The following NNMT variants were observed in gnomAD, a reference collection of about 807,000 sequenced individuals.
NNMT encodes nicotinamide N-methyltransferase.
In NNMT, 10 loss-of-function variants were observed where a neutral mutation model predicts 11.7. The observed-to-expected ratio is 0.85, with a 90% CI of 0.53 to 1.45. NNMT has a LOEUF of 1.45. Ranked by LOEUF, NNMT falls within the 40% of genes most tolerant of loss-of-function variation. The pLI, the probability that NNMT is intolerant of heterozygous loss-of-function variation, is 0.00. For synonymous variants in NNMT, 143 were observed against 133.8 expected, an observed-to-expected ratio of 1.07 and a Z score of -0.48; for missense variants, 381 against 319.4, an observed-to-expected ratio of 1.19 and a Z score of -1.47.
chr11:114,266,202 G>C (rs912296790), intron 2 of NNMT, among the ~76,000 whole-genome samples: 1 of 152,056 alleles, frequency 6.6e-6, no homozygotes, highest in African/African-American at 2.4e-5. Flanking sequence ...CAATCAACAC[G>C]TACTAATATT....
intron 2 of NNMT, among the ~76,000 whole-genome samples, chr11:114,302,513 A>G (rs1374203785): frequency 2.0e-5 from 3 of 152,158 alleles, no homozygotes; most frequent in African/African-American, 7.2e-5. Context: ...ATAACACTAT[A>G]ATACATATAT....
intron 2 of NNMT, among the ~76,000 whole-genome samples, chr11:114,310,476 T>C (rs1945539470): frequency 6.6e-6 from 1 of 152,278 alleles, no homozygotes; most frequent in Non-Finnish European, 1.5e-5. Context: ...TTTAAGTGAA[T>C]ATTTAAGATG....
At chr11:114,271,756 G>A (rs569257887) in intron 2 of NNMT, among the ~76,000 whole-genome samples, 1 of 152,282 alleles carries the variant, frequency 6.6e-6, no homozygotes, top group Admixed American at 6.5e-5. Flanking sequence ...AAACACTAAA[G>A]ACTAAAACCC....
At chr11:114,292,721 A>G (rs11214934), upstream of NNMT, among the ~76,000 whole-genome samples, 94,605 of 152,022 alleles carry the variant, frequency 0.62, 31,313 homozygotes, top group Non-Finnish European at 0.74. Flanking sequence ...ACAAGGAAAC[A>G]GATTCCTATC....
chr11:114,312,187 G>T lies in NNMT; in HGVS notation c.505G>T (p.Ala169Ser). 1 of 1,614,156 alleles carries T rather than the reference G, an allele frequency of 6.2e-7. No homozygotes were observed. Among genetic ancestry groups the T allele is most frequent in the Non-Finnish European group, 8.5e-7 (1 of 1,180,012 alleles). Reference sequence around the variant, plus strand: ...GCTCAGCACACTGTGTCTGGATGCCGCCTGCCCAGACCTCCCCACCTACTG... The same window carrying T: ...GCTCAGCACACTGTGTCTGGATGCCTCCTGCCCAGACCTCCCCACCTACTG... ...CVLSTLCLDA[A>S]CPDLPTYCRA... The change falls in exon 3 of 3, where the codon GCC (alanine) becomes TCC (serine). Residue 169 changes from alanine (A) to serine (S), a missense_variant. Physicochemically the swap from Ala to Ser is moderately conservative, Grantham distance 99. Coordinates refer to ENST00000299964, the MANE Select transcript of NNMT (RefSeq NM_006169.3).
At chr11:114,294,209 G>A (rs1012774189), upstream of NNMT, among the ~76,000 whole-genome samples, 8 of 152,084 alleles carry the variant, frequency 5.3e-5, no homozygotes, top group Admixed American at 1.3e-4. Context: ...GAGGCCAGGC[G>A]CAGTGGCTCA....
At chr11:114,284,747 C>T (rs1207818284) in intron 2 of NNMT, among the ~76,000 whole-genome samples, 20 of 149,464 alleles carry the variant, frequency 1.3e-4, no homozygotes, top group South Asian at 6.3e-4. Flanking sequence ...CAGGCGTGAG[C>T]CACTGCACCC....
At chr11:114,303,789 G>C (rs1945463268) in intron 2 of NNMT, among the ~76,000 whole-genome samples, 1 of 152,088 alleles carries the variant, frequency 6.6e-6, no homozygotes. Flanking sequence ...AGATCTCACT[G>C]TAGCCTTGAC....
chr11:114,312,174 G>C lies in NNMT; in HGVS notation c.492G>C (p.Leu164=), dbSNP rs756437692. 1.9e-6 allele frequency: 3 copies of C among 1,614,238 alleles called. No homozygotes were observed. The highest frequency in any genetic ancestry group is 2.5e-6 in the Non-Finnish European group (3 of 1,180,036). Residue 164 remains leucine (L), a synonymous_variant, in exon 3 of 3, where the codon CTG becomes CTC. Coordinates refer to ENST00000299964, the MANE Select transcript of NNMT (RefSeq NM_006169.3). ...LPPADCVLST[L]CLDAACPDLP... ...CGGCTGACTGCGTGCTCAGCACACT[G>C]TGTCTGGATGCCGCCTGCCCAGACC... is the stretch of plus-strand genomic sequence containing the variant.
intron 2 of NNMT, among the ~76,000 whole-genome samples, chr11:114,278,983 C>T (rs1174871113): frequency 2.6e-5 from 4 of 152,142 alleles, no homozygotes. Context: ...CTGGTGCTCC[C>T]CTTGCTGCAT....
intron 2 of NNMT, among the ~76,000 whole-genome samples, chr11:114,272,850 C>T (rs968632891): frequency 2.0e-5 from 3 of 152,210 alleles, no homozygotes; most frequent in Non-Finnish European, 2.9e-5. Flanking sequence ...ACTAGATAGA[C>T]TTTTCCCACT....
chr11:114,260,952 CTG>C (rs898403799), intron 1 of NNMT, among the ~76,000 whole-genome samples: 5 of 152,234 alleles, frequency 3.3e-5, no homozygotes, highest in Non-Finnish European at 7.3e-5. Flanking sequence ...AACCCTAAGA[CTG>C]GGGTCAGCAA....
At chr11:114,275,713 T>C (rs1162658824) in intron 2 of NNMT, among the ~76,000 whole-genome samples, 1 of 152,146 alleles carries the variant, frequency 6.6e-6, no homozygotes, top group Non-Finnish European at 1.5e-5. Flanking sequence ...GGTTTAGGGT[T>C]AGGGTTAGAA....
At chr11:114,300,483 G>C (rs910411650) in intron 2 of NNMT, among the ~76,000 whole-genome samples, 1 of 152,144 alleles carries the variant, frequency 6.6e-6, no homozygotes, top group Non-Finnish European at 1.5e-5. Flanking sequence ...ACATTGAAAA[G>C]AGTGTATATT....
At chr11:114,268,450 G>A (rs1945139950) in intron 2 of NNMT, among the ~76,000 whole-genome samples, 4 of 152,152 alleles carry the variant, frequency 2.6e-5, no homozygotes, top group African/African-American at 9.7e-5. Context: ...AACCAGCCAT[G>A]CAACCAAGCT....
rs118017319 is a variant in NNMT at position 114,279,533 on chromosome 11, C to T, written c.-130+16599C>T. Among the ~76,000 whole-genome samples the T allele has an allele frequency of 4.6e-3, 703 of 152,242 alleles. 5 individuals are homozygous for T. The highest frequency in any genetic ancestry group is 0.014 in the African/African-American group (596 of 41,530). ...GGAGTTGGATACCAGAAGAAGCTTG[C>T]AGCAGATGGGACTAGAGGCTGAGTG... On this transcript the variant is annotated intron_variant, in intron 2 of 4. Transcript: ENST00000535401.
chr11:114,280,780 A>C (rs1228989597), intron 2 of NNMT, among the ~76,000 whole-genome samples: 1 of 152,154 alleles, frequency 6.6e-6, no homozygotes, highest in African/African-American at 2.4e-5. Context: ...CTCTCTGGGC[A>C]CAAGAGGGCA....
At position 114,313,029 on chromosome 11, in the gene NNMT, A is replaced by C. The variant is rs1945569381; in HGVS notation, c.*552A>C. The C allele has an allele frequency of 6.6e-6, 1 of 152,394 alleles. No homozygotes were observed. Among genetic ancestry groups the C allele is most frequent in the Non-Finnish European group, 1.5e-5 (1 of 68,196 alleles). The allele number at this position is 152,394 out of a possible 1,614,324, so 9.4% of individuals were successfully genotyped here. ...TTTCTGTTCATCCCAGCAATCCAAA[A>C]AAAAATTTTTTTAAGCTACAAAGAT... On this transcript the variant is annotated 3_prime_UTR_variant, in exon 3 of 3. Coordinates refer to ENST00000299964, the MANE Select transcript of NNMT (RefSeq NM_006169.3).
intron 2 of NNMT, among the ~76,000 whole-genome samples, chr11:114,263,761 C>A (rs966178929): frequency 3.9e-5 from 6 of 152,214 alleles, no homozygotes; most frequent in African/African-American, 1.2e-4. Context: ...CTCCCCTAAG[C>A]TAAACTTTGG....
Sources: allele counts gnomAD v4.1 joint callset (sites outside exome capture counted in the v4.1 genomes callset), GRCh38; gene constraint gnomAD v4.1.1; transcripts MANE v1.5; gene names NCBI Gene and HGNC (gene_info 2026-07-23, HGNC 2026-07-21).